HTR7: variants seen among roughly 807,000 people sequenced by gnomAD.
HTR7 encodes 5-HT-7.
HTR7 carries 16 observed loss-of-function variants against 34.0 expected under a neutral mutation model. That is an observed-to-expected ratio of 0.47 (90% confidence interval 0.32 to 0.71). The LOEUF is 0.71. Ranked by LOEUF, HTR7 falls within the 30% of genes least tolerant of loss-of-function variation. HTR7 has a pLI of 0.04. For missense variants in HTR7, 504 were observed against 625.5 expected, an observed-to-expected ratio of 0.81 and a Z score of 2.07; for synonymous variants, 265 against 260.2, an observed-to-expected ratio of 1.02 and a Z score of -0.18.
chr10:90,799,338 CATGAATGAATGAATGAATGA>C (rs113835217), intron 1 of HTR7, among the ~76,000 whole-genome samples: 7 of 150,552 alleles, frequency 4.6e-5, no homozygotes, highest in East Asian at 2.0e-4. Flanking sequence ...GCCGGCTCTG[CATGAATGAATGAATGAATGA>C]ATGAATGAAT....
chr10:90,856,294 T>G (rs1055853098), intron 1 of HTR7, among the ~76,000 whole-genome samples: 1 of 152,230 alleles, frequency 6.6e-6, no homozygotes, highest in Non-Finnish European at 1.5e-5. Context: ...TACTTCAAGT[T>G]GTCAACTGCA....
intron 1 of HTR7, among the ~76,000 whole-genome samples, chr10:90,771,726 C>T (rs1384239961): frequency 2.6e-5 from 4 of 152,194 alleles, no homozygotes; most frequent in African/African-American, 7.2e-5. Context: ...CACTCCACAC[C>T]TGACTCACAA....
chr10:90,748,681 G>C (rs569800247), intron 2 of HTR7, among the ~76,000 whole-genome samples, 158 bp downstream of exon 2: 1 of 152,228 alleles, frequency 6.6e-6, no homozygotes, highest in African/African-American at 2.4e-5. Flanking sequence ...AATTTTACTG[G>C]GTGGAAGACT....
At chr10:90,768,211 T>A (rs1192719961) in intron 1 of HTR7, among the ~76,000 whole-genome samples, 2 of 151,548 alleles carry the variant, frequency 1.3e-5, no homozygotes, top group Non-Finnish European at 1.5e-5. Flanking sequence ...CTTTTCTGTC[T>A]CCATTGCCAT....
intron 1 of HTR7, among the ~76,000 whole-genome samples, chr10:90,801,164 C>T (rs1314775928): frequency 6.6e-6 from 1 of 152,242 alleles, no homozygotes; most frequent in Non-Finnish European, 1.5e-5. Context: ...TGGGCCCCAT[C>T]TCCAGGTAAG....
intron 1 of HTR7, among the ~76,000 whole-genome samples, chr10:90,768,650 T>C (rs1845059561): frequency 1.3e-5 from 2 of 152,224 alleles, no homozygotes; most frequent in Admixed American, 6.5e-5. Flanking sequence ...AAGAGCTCCC[T>C]CATGCTTTTT....
intron 1 of HTR7, among the ~76,000 whole-genome samples, chr10:90,830,681 G>T (rs1000711880): frequency 2.0e-5 from 3 of 151,814 alleles, no homozygotes; most frequent in African/African-American, 7.3e-5. Flanking sequence ...CCAGGTACTT[G>T]GAGGGCTGAG....
intron 1 of HTR7, among the ~76,000 whole-genome samples, chr10:90,766,274 CTTCT>C (rs979327878): frequency 1.3e-5 from 2 of 151,962 alleles, no homozygotes; most frequent in South Asian, 2.1e-4. Flanking sequence ...GCATAATGAC[CTTCT>C]TTGTCTCTTG....
intron 1 of HTR7, among the ~76,000 whole-genome samples, chr10:90,798,057 C>T (rs1170187700): frequency 6.6e-6 from 1 of 152,036 alleles, no homozygotes; most frequent in Non-Finnish European, 1.5e-5. Context: ...GCCTAATCAC[C>T]TCTTAGTGGT....
chr10:90,803,839 G>A (rs558158392), intron 1 of HTR7, among the ~76,000 whole-genome samples: 21 of 152,156 alleles, frequency 1.4e-4, no homozygotes, highest in Non-Finnish European at 2.9e-4. Flanking sequence ...GGAAAATACT[G>A]GGTAGGAGAG....
intron 1 of HTR7, among the ~76,000 whole-genome samples, chr10:90,818,180 C>A (rs1054326961): frequency 6.6e-6 from 1 of 152,168 alleles, no homozygotes; most frequent in African/African-American, 2.4e-5. Context: ...GTGTTTGGGT[C>A]ATTGAGGGCC....
At chr10:90,813,548 A>C (rs1440074800) in intron 1 of HTR7, among the ~76,000 whole-genome samples, 1 of 151,828 alleles carries the variant, frequency 6.6e-6, no homozygotes, top group African/African-American at 2.4e-5. Context: ...AATTATTTAG[A>C]TAGTGAGGGT....
Position 90,857,443 on chromosome 10 carries a change from C to A in HTR7, c.229G>T (p.Gly77Cys), listed in dbSNP as rs771371711. Residue 77 changes from glycine to cysteine, a missense_variant, in exon 1 of 4, where the codon GGC becomes TGC. By Grantham distance (159) the Gly-to-Cys change is radical. Coordinates refer to ENST00000336152, the MANE Select transcript of HTR7 (RefSeq NM_019859.4). This position sits in a 1 kb window ranked among gnomAD's most constrained non-coding sequence, Gnocchi z 6.5. ...ASGCGEQINY[G>C]RVEKVVIGSI... ...CCGATCACAACTTTCTCGACTCTGCCGTAGTTGATCTGTTCCCCACAGCCG... is the reference window on the plus strand; with the variant it reads ...CCGATCACAACTTTCTCGACTCTGCAGTAGTTGATCTGTTCCCCACAGCCG... 1.9e-6 allele frequency: 3 copies of A among 1,614,006 alleles called. No individual in the cohort carries two copies. The East Asian group carries it at 6.7e-5, about 36-fold the overall frequency.
chr10:90,771,449 T>C (rs1490930129), intron 1 of HTR7, among the ~76,000 whole-genome samples: 1 of 152,206 alleles, frequency 6.6e-6, no homozygotes, highest in East Asian at 1.9e-4. Flanking sequence ...CTGTGGCCCT[T>C]TGGGGAGACC....
At chr10:90,801,436 T>G (rs1274087086) in intron 1 of HTR7, among the ~76,000 whole-genome samples, 1 of 152,140 alleles carries the variant, frequency 6.6e-6, no homozygotes, top group Admixed American at 6.5e-5. Context: ...AAATCAATAT[T>G]TTACCCCCCA....
intron 1 of HTR7, among the ~76,000 whole-genome samples, chr10:90,773,183 T>G (rs943130142): frequency 2.0e-5 from 3 of 152,208 alleles, no homozygotes; most frequent in African/African-American, 7.2e-5. Flanking sequence ...TCGGTCAAAC[T>G]CATACATTGA....
chr10:90,780,759 T>A (rs996974024), intron 1 of HTR7, among the ~76,000 whole-genome samples: 4 of 151,888 alleles, frequency 2.6e-5, no homozygotes, highest in Non-Finnish European at 5.9e-5. Flanking sequence ...AAAATCAAAC[T>A]CTCCACATGT....
chr10:90,844,575 A>T (rs1253782375), intron 1 of HTR7, among the ~76,000 whole-genome samples: 1 of 151,514 alleles, frequency 6.6e-6, no homozygotes, highest in African/African-American at 2.4e-5. Context: ...AATACAAAAA[A>T]AATTAGCCGG....
At chr10:90,764,149 T>C (rs114323425) in intron 1 of HTR7, among the ~76,000 whole-genome samples, 5,401 of 152,312 alleles carry the variant, frequency 0.035, 290 homozygotes, top group African/African-American at 0.11. Context: ...ATAATTGCCA[T>C]TCTGACTGGC....
Sources: allele counts gnomAD v4.1 joint callset (sites outside exome capture counted in the v4.1 genomes callset), GRCh38; gene constraint gnomAD v4.1.1; non-coding constraint Gnocchi (gnomAD v3.1); transcripts MANE v1.5; gene names NCBI Gene and HGNC (gene_info 2026-07-23, HGNC 2026-07-21).